FHL1: variants seen among roughly 807,000 people sequenced by gnomAD.
FHL1 encodes four and a half LIM domains protein 1.
A neutral mutation model predicts 20.3 loss-of-function variants in FHL1; 1 was observed. The ratio of observed to expected loss-of-function variants is 0.05; its 90% CI spans 0.02 to 0.23. FHL1 has a LOEUF of 0.23. Ranked by LOEUF, FHL1 falls within the 10% of genes least tolerant of loss-of-function variation. FHL1 has a pLI of 1.00. For synonymous variants in FHL1, 82 were observed against 88.9 expected, an observed-to-expected ratio of 0.92 and a Z score of 0.44; for missense variants, 177 against 234.0, an observed-to-expected ratio of 0.76 and a Z score of 1.59.
intron 2 of FHL1, among the ~76,000 whole-genome samples, chrX:136,189,891 A>G (rs1261591033): frequency 8.9e-6 from 1 of 112,101 alleles, no homozygotes; most frequent in African/African-American, 3.2e-5. Flanking sequence ...GGAACTAACC[A>G]TGTTAATTGT....
chrX:136,186,972 G>T (rs984172619), intron 2 of FHL1, among the ~76,000 whole-genome samples: 11 of 110,301 alleles, frequency 1.0e-4, no homozygotes, highest in Non-Finnish European at 2.1e-4. Context: ...ACTAACTGTG[G>T]TATAGCTTTA....
chrX:136,193,414 T>C (rs920048246), upstream of FHL1, among the ~76,000 whole-genome samples: 3 of 112,007 alleles, frequency 2.7e-5, no homozygotes, highest in Non-Finnish European at 5.6e-5. Context: ...TAGGATTAGA[T>C]TGCAGTGTGA....
intron 2 of FHL1, among the ~76,000 whole-genome samples, chrX:136,171,857 T>G (rs758583056): frequency 1.0e-5 from 1 of 99,103 alleles, no homozygotes; most frequent in East Asian, 3.2e-4. Context: ...AAATTCTGTT[T>G]TTTTTATTTT....
chrX:136,166,295 TGAACTATG>T (rs1569528579), upstream of FHL1, among the ~76,000 whole-genome samples: 1 of 112,202 alleles, frequency 8.9e-6, no homozygotes, highest in Non-Finnish European at 1.9e-5. Flanking sequence ...GGTGAAACCA[TGAACTATG>T]GAACGAAGAC....
chrX:136,193,171 C>G (rs1459393020), upstream of FHL1, among the ~76,000 whole-genome samples: 1 of 110,916 alleles, frequency 9.0e-6, no homozygotes, highest in African/African-American at 3.3e-5. Flanking sequence ...TGCCCCTGGC[C>G]ATGACTAATG....
intron 1 of FHL1, chrX:136,148,846 C>A (rs1383427541): frequency 8.9e-6 from 1 of 112,389 alleles, no homozygotes; most frequent in Non-Finnish European, 1.9e-5. Flanking sequence ...TTTTGAATTT[C>A]CTGAAGGGCA....
chrX:136,168,810 T>C (rs1375241244), upstream of FHL1, among the ~76,000 whole-genome samples: 2 of 111,859 alleles, frequency 1.8e-5, no homozygotes, highest in Non-Finnish European at 3.8e-5. Flanking sequence ...TAACAGTTTT[T>C]CCATTTATAT....
chrX:136,201,382 C>T (rs1252090911), intron 1 of FHL1, among the ~76,000 whole-genome samples: 4 of 111,875 alleles, frequency 3.6e-5, no homozygotes, highest in Non-Finnish European at 3.8e-5. Context: ...TGGGAAGTGC[C>T]GCATGCGTGG....
At chrX:136,197,167 C>T in intron 1 of FHL1, 33 bp downstream of exon 1, 1 of 1,181,962 alleles carries the variant, frequency 8.5e-7, no homozygotes. Flanking sequence ...TTATATTGAG[C>T]ACAGTTTTGT....
intron 1 of FHL1, among the ~76,000 whole-genome samples, chrX:136,156,680 T>G (rs190292850): frequency 4.6e-4 from 52 of 112,225 alleles, no homozygotes; most frequent in Non-Finnish European, 7.1e-4. Context: ...TTGGCAAGAT[T>G]GTTTTGACAA....
At chrX:136,196,936 A>C, upstream of FHL1, 1 of 1,083,061 alleles carries the variant, frequency 9.2e-7, no homozygotes, top group Middle Eastern at 2.8e-4. Context: ...AATGGTTAAG[A>C]ATTTTCTAGT....
In FHL1 at chrX:136,210,158, C is replaced by A; in HGVS notation, c.*133C>A. The A allele has an allele frequency of 1.0e-6, 1 of 955,570 alleles. No homozygotes were observed. The highest frequency in any genetic ancestry group is 1.5e-6 in the Non-Finnish European group (1 of 669,800). The allele number at this position is 955,570 out of a possible 1,213,427, so 78.7% of individuals were successfully genotyped here. On this transcript the variant is annotated 3_prime_UTR_variant, in exon 6 of 6. Transcript: ENST00000370683. ...AAAGTTCTCCTTCCGTCTTTTCTCCCATTTTACAGTATTACTCAAATAAGG... is the reference window on the plus strand; with the variant it reads ...AAAGTTCTCCTTCCGTCTTTTCTCCAATTTTACAGTATTACTCAAATAAGG...
chrX:136,190,688 G>A lies in FHL1; in HGVS notation c.-26-15719G>A, dbSNP rs182698873. On this transcript the variant is annotated intron_variant, in intron 2 of 6. Coordinates refer to the FHL1 transcript ENST00000394153. ...CCTCTGTTGATGAATATAAAGTCAA[G>A]GGATAACAAACCCCCTTTACCATAC... 4.5e-5 allele frequency among the ~76,000 whole-genome samples: 5 copies of A among 111,559 alleles called. No individual in the cohort carries two copies. The East Asian group carries it at 1.4e-3, about 32-fold the overall frequency.
chrX:136,170,626 G>C (rs921715546), intron 2 of FHL1, among the ~76,000 whole-genome samples: 2 of 110,931 alleles, frequency 1.8e-5, no homozygotes, highest in African/African-American at 3.3e-5. Flanking sequence ...GATGACTCAG[G>C]GTTCCTCAAT....
chrX:136,146,825 G>C (rs1420536694), upstream of FHL1: 2 of 329,472 alleles, frequency 6.1e-6, no homozygotes, highest in Non-Finnish European at 1.2e-5. Flanking sequence ...CTTTCTGAGT[G>C]ACGTTAAAAC....
At chrX:136,180,819 G>GCAA (rs1302615216) in intron 2 of FHL1, among the ~76,000 whole-genome samples, 1 of 110,949 alleles carries the variant, frequency 9.0e-6, no homozygotes, top group Non-Finnish European at 1.9e-5. Context: ...TCGGCTCACT[G>GCAA]CAACCTCTGT....
At chrX:136,174,378 A>G (rs148753762) in intron 2 of FHL1, among the ~76,000 whole-genome samples, 36 of 111,564 alleles carry the variant, frequency 3.2e-4, no homozygotes, top group African/African-American at 1.1e-3. Context: ...CCTGTAGTCT[A>G]CTTTGGTGCT....
upstream of FHL1, among the ~76,000 whole-genome samples, chrX:136,194,667 T>A (rs145188474): frequency 0.02 from 2,185 of 111,970 alleles, 44 homozygotes; most frequent in African/African-American, 0.065. Flanking sequence ...TTATTAAACA[T>A]CATACTGTTA....
chrX:136,153,268 A>AT (rs1268153515), intron 1 of FHL1, among the ~76,000 whole-genome samples: 3 of 58,571 alleles, frequency 5.1e-5, no homozygotes, highest in Non-Finnish European at 1.0e-4. Context: ...TCTGAAAAGC[A>AT]TTTTTTTGCG....
Sources: gnomAD v4.1 joint callset for allele counts (sites outside exome capture counted in the v4.1 genomes callset) on GRCh38, gnomAD v4.1.1 for gene constraint, MANE v1.5 for transcripts, NCBI Gene and HGNC (gene_info 2026-07-23, HGNC 2026-07-21) for gene names.